Variants in SDK1 observed in about 807,000 individuals in gnomAD.
The protein encoded by SDK1 is sidekick cell adhesion molecule 1.
A neutral mutation model predicts 245.5 loss-of-function variants in SDK1; 157 were observed. The observed-to-expected ratio is 0.64, with a 90% confidence interval of 0.56 to 0.73. SDK1 has a LOEUF of 0.73. Ranked by LOEUF, SDK1 falls within the 30% of genes least tolerant of loss-of-function variation. The pLI is 0.00. For synonymous variants in SDK1, 1,647 were observed against 1,278.5 expected (o/e 1.29, Z -6.15); for missense variants, 3,583 against 3,002.3 (o/e 1.19, Z -4.52).
chr7:4,125,481 G>T (rs1027426244), intron 25 of SDK1, among the ~76,000 whole-genome samples: 1 of 142,022 alleles, frequency 7.0e-6, no homozygotes, highest in Non-Finnish European at 1.6e-5. Flanking sequence ...ATCACTGGAT[G>T]GATTGATTGA....
At chr7:3,345,573 C>A (rs1780470020) in intron 1 of SDK1, among the ~76,000 whole-genome samples, 1 of 151,548 alleles carries the variant, frequency 6.6e-6, no homozygotes, top group African/African-American at 2.4e-5. Context: ...ATCTTTTTTT[C>A]CAGGAAATTA....
At chr7:3,556,682 TGTG>T (rs1562560863) in intron 1 of SDK1, among the ~76,000 whole-genome samples, 1 of 151,962 alleles carries the variant, frequency 6.6e-6, no homozygotes, top group East Asian at 1.9e-4. Context: ...TTAAGCCAGG[TGTG>T]GTGGTGCACA....
At chr7:3,382,306 C>T (rs1164203411) in intron 1 of SDK1, among the ~76,000 whole-genome samples, 3 of 151,970 alleles carry the variant, frequency 2.0e-5, no homozygotes, top group South Asian at 4.2e-4. Context: ...AACCTAGGCT[C>T]AAAGAACTTA....
chr7:3,854,728 C>G (rs1780499108), intron 5 of SDK1, among the ~76,000 whole-genome samples: 1 of 152,176 alleles, frequency 6.6e-6, no homozygotes, highest in African/African-American at 2.4e-5. Context: ...GATTTTCGAT[C>G]AGATGTCAGA....
intron 1 of SDK1, among the ~76,000 whole-genome samples, chr7:3,470,929 TATAAA>T (rs1478783494): frequency 6.6e-6 from 1 of 152,214 alleles, no homozygotes; most frequent in African/African-American, 2.4e-5. Context: ...AGGCATTGCC[TATAAA>T]ATATTTCTTT....
At chr7:3,984,659 G>C (rs1783682967) in intron 13 of SDK1, among the ~76,000 whole-genome samples, 1 of 151,978 alleles carries the variant, frequency 6.6e-6, no homozygotes, top group Admixed American at 6.6e-5. Context: ...CTCCTGCCCT[G>C]GCTTCTCTCC....
intron 1 of SDK1, among the ~76,000 whole-genome samples, chr7:3,586,751 C>G (rs147021298): frequency 0.012 from 1,798 of 150,480 alleles, 13 homozygotes; most frequent in Non-Finnish European, 0.02. Flanking sequence ...AATTTTGTTA[C>G]AGTGTCTAAG....
Position 4,227,467 on chromosome 7 carries a change from T to C in SDK1, c.5828-5788T>C, listed in dbSNP as rs1184000188. On this transcript the variant is annotated intron_variant, in intron 40 of 44. Coordinates refer to ENST00000404826, the MANE Select transcript of SDK1 (RefSeq NM_152744.4). ...AATCAGATGTATTTAGCCTCATGTTTAAGCGCCACCAGCTTCAGTAAAATT... is the reference window on the plus strand; with the variant it reads ...AATCAGATGTATTTAGCCTCATGTTCAAGCGCCACCAGCTTCAGTAAAATT... 8.5e-6 allele frequency: 4 copies of C among 469,832 alleles called. No individual in the cohort carries two copies. In the Admixed American group the frequency reaches 9.4e-5, roughly 11 times the overall value. The allele number at this position is 469,832 out of a possible 1,614,324, so 29.1% of individuals were successfully genotyped here.
chr7:3,359,999 A>G (rs1184831009), intron 1 of SDK1, among the ~76,000 whole-genome samples: 1 of 152,180 alleles, frequency 6.6e-6, no homozygotes, highest in East Asian at 1.9e-4. Flanking sequence ...GCAAAATATT[A>G]CAACACTTTG....
rs535206671 is a variant in SDK1 at position 3,475,608 on chromosome 7, T to G, written c.299-143472T>G. Among the ~76,000 whole-genome samples the G allele has an allele frequency of 1.2e-3, 178 of 152,346 alleles. 2 individuals carry two copies. Among genetic ancestry groups the G allele is most frequent in the African/African-American group, 4.1e-3 (170 of 41,582 alleles). On this transcript the variant is annotated intron_variant, in intron 1 of 44. Coordinates refer to ENST00000404826, the MANE Select transcript of SDK1 (RefSeq NM_152744.4). Reference sequence around the variant, plus strand: ...TGGAAAGAAATTATTTCTCATTGATTGTATAAAAATCAAATGACATGATTA... The same window carrying G: ...TGGAAAGAAATTATTTCTCATTGATGGTATAAAAATCAAATGACATGATTA...
At position 4,172,257 on chromosome 7, in the gene SDK1, T is replaced by C. The variant is rs558290775; in HGVS notation, c.4801-1965T>C. The stretch of plus-strand genomic sequence containing the variant: ...GGCCTGGGGGCTGCTTGAGCTAATG[T>C]GGTAGCAGGCCTCATTTTGGAAAAC... On this transcript the variant is annotated intron_variant, in intron 32 of 44. Transcript: ENST00000404826. 8.5e-5 allele frequency among the ~76,000 whole-genome samples: 13 copies of C among 152,300 alleles called. No homozygotes were observed. In the South Asian group the frequency reaches 2.7e-3, roughly 32 times the overall value.
intron 1 of SDK1, among the ~76,000 whole-genome samples, chr7:3,303,924 A>G (rs1779348363): frequency 6.6e-6 from 1 of 152,180 alleles, no homozygotes; most frequent in Non-Finnish European, 1.5e-5. Context: ...CAGATGTAAC[A>G]TTCTAAATGG....
chr7:3,880,604 T>C (rs1441448931), intron 5 of SDK1, among the ~76,000 whole-genome samples: 2 of 148,750 alleles, frequency 1.3e-5, no homozygotes, highest in Non-Finnish European at 3.0e-5. Flanking sequence ...CAAAATCCTT[T>C]CAGCTCAAAC....
chr7:3,962,880 G>T lies in SDK1; in HGVS notation c.1429+29G>T, dbSNP rs754528827. The T allele has an allele frequency of 5.0e-5, 78 of 1,569,042 alleles. 2 individuals are homozygous for T. The Middle Eastern group carries it at 1.7e-3, about 35-fold the overall frequency. ...AGTACACCCAGGCCCACAGCTACCTGACCTGGACGTATCCAGTGAGTACAC... is the reference window on the plus strand; with the variant it reads ...AGTACACCCAGGCCCACAGCTACCTTACCTGGACGTATCCAGTGAGTACAC... On this transcript the variant is annotated intron_variant, in intron 9 of 44. Coordinates refer to ENST00000404826, the MANE Select transcript of SDK1 (RefSeq NM_152744.4).
At chr7:4,251,004 A>C (rs1040784695) in intron 44 of SDK1, among the ~76,000 whole-genome samples, 1 of 152,110 alleles carries the variant, frequency 6.6e-6, no homozygotes, top group Non-Finnish European at 1.5e-5. Flanking sequence ...GCCTATCCTG[A>C]GCATTTCATA....
rs572970830 is a variant in SDK1, at chr7:3,595,534, C to T, written c.299-23546C>T. Reference sequence around the variant, plus strand: ...TATTTAATAAAACTCACCAGCACTACTGATAATATTTAATTATGCAGTTAT... The same window carrying T: ...TATTTAATAAAACTCACCAGCACTATTGATAATATTTAATTATGCAGTTAT... On this transcript the variant is annotated intron_variant, in intron 1 of 44. Coordinates refer to ENST00000404826, the MANE Select transcript of SDK1 (RefSeq NM_152744.4). Among the ~76,000 whole-genome samples the T allele has an allele frequency of 2.0e-5, 3 of 152,150 alleles. No homozygotes were observed. In the East Asian group the frequency reaches 5.8e-4, roughly 29 times the overall value.
intron 4 of SDK1, among the ~76,000 whole-genome samples, chr7:3,714,627 T>C (rs1209032449): frequency 6.6e-6 from 1 of 152,218 alleles, no homozygotes; most frequent in Admixed American, 6.5e-5. Flanking sequence ...GCCTTCAAAG[T>C]TTAAATGTCG....
At chr7:4,086,711 C>G (rs193233495) in intron 22 of SDK1, among the ~76,000 whole-genome samples, 67 of 152,252 alleles carry the variant, frequency 4.4e-4, no homozygotes, top group African/African-American at 1.6e-3. Flanking sequence ...CCTGGATAAC[C>G]TCCCTGATGT....
chr7:3,972,937 G>A (rs1463706008), intron 12 of SDK1, among the ~76,000 whole-genome samples: 1 of 152,184 alleles, frequency 6.6e-6, no homozygotes, highest in East Asian at 1.9e-4. Flanking sequence ...GGCCACCCTG[G>A]AGACGGTCGT....
Sources: gnomAD v4.1 joint callset for allele counts (sites outside exome capture counted in the v4.1 genomes callset) on GRCh38, gnomAD v4.1.1 for gene constraint, MANE v1.5 for transcripts, NCBI Gene and HGNC (gene_info 2026-07-23, HGNC 2026-07-21) for gene names.